MNAT1: variants seen among roughly 807,000 people sequenced by gnomAD.
MNAT1 encodes CDK-activating kinase assembly factor MAT1.
Under a neutral mutation model 42.0 loss-of-function variants are expected in MNAT1, and 43 were observed. That is an observed-to-expected ratio of 1.02 (90% confidence interval 0.80 to 1.32). MNAT1 has a LOEUF of 1.32. Among genes scored for constraint, MNAT1 ranks in the 40% most tolerant of loss-of-function variants. The pLI, the probability that MNAT1 is intolerant of heterozygous loss-of-function variation, is 0.00. For synonymous variants in MNAT1, 118 were observed against 120.0 expected (o/e 0.98, Z 0.11); for missense variants, 306 against 350.4 (o/e 0.87, Z 1.01).
intron 6 of MNAT1, among the ~76,000 whole-genome samples, chr14:60,822,192 C>T (rs1427799276): frequency 6.6e-6 from 1 of 152,050 alleles, no homozygotes; most frequent in Non-Finnish European, 1.5e-5. Flanking sequence ...CTTTTTTCAC[C>T]TAGACAGAAT....
intron 7 of MNAT1, among the ~76,000 whole-genome samples, chr14:60,915,789 T>G (rs1408873480): frequency 6.6e-5 from 10 of 152,254 alleles, no homozygotes; most frequent in Admixed American, 2.0e-4. Flanking sequence ...AATGGTTAGC[T>G]GTCTTTAGAT....
intron 6 of MNAT1, among the ~76,000 whole-genome samples, chr14:60,832,914 T>C (rs770582458): frequency 2.0e-5 from 3 of 152,188 alleles, no homozygotes; most frequent in African/African-American, 4.8e-5. Flanking sequence ...GTTATATTCC[T>C]AGGTATTTTA....
chr14:60,804,241 A>C (rs1273218022), intron 3 of MNAT1, among the ~76,000 whole-genome samples: 2 of 152,222 alleles, frequency 1.3e-5, no homozygotes, highest in African/African-American at 4.8e-5. Context: ...AAACAGATAA[A>C]GGGTCAAATG....
chr14:60,737,034 CTG>C (rs758676648), intron 1 of MNAT1, among the ~76,000 whole-genome samples: 6 of 152,066 alleles, frequency 3.9e-5, no homozygotes, highest in Admixed American at 1.3e-4. Context: ...TATAAGGACT[CTG>C]TTGTAATTTT....
intron 1 of MNAT1, among the ~76,000 whole-genome samples, chr14:60,785,061 C>T (rs1409815946): frequency 6.6e-6 from 1 of 151,944 alleles, no homozygotes; most frequent in Admixed American, 6.5e-5. Flanking sequence ...CTATGTTGGA[C>T]AGGCTGGTCT....
chr14:60,766,749 G>C (rs893720410), intron 1 of MNAT1, among the ~76,000 whole-genome samples: 1 of 152,082 alleles, frequency 6.6e-6, no homozygotes, highest in Non-Finnish European at 1.5e-5. Flanking sequence ...TTAGATATGG[G>C]ACAATTAATG....
intron 6 of MNAT1, among the ~76,000 whole-genome samples, chr14:60,864,926 A>T (rs923030271): frequency 6.6e-6 from 1 of 152,074 alleles, no homozygotes; most frequent in Non-Finnish European, 1.5e-5. Flanking sequence ...CTTATTTTCT[A>T]CAATGGGAAT....
chr14:60,787,168 GACC>G (rs2031677532), intron 1 of MNAT1, among the ~76,000 whole-genome samples: 1 of 152,046 alleles, frequency 6.6e-6, no homozygotes, highest in East Asian at 1.9e-4. Context: ...TTTGGTTTCT[GACC>G]ACCACAGTAA....
rs370014148 is a variant in MNAT1, at chr14:60,968,325, T to G, written c.906T>G (p.Ser302Arg). 6.8e-5 allele frequency: 109 copies of G among 1,612,378 alleles called. No homozygotes were observed. Among genetic ancestry groups the G allele is most frequent in the Non-Finnish European group, 9.0e-5 (106 of 1,179,616 alleles). ...ACHRALQDAF[S>R]GLFWQPS ...ACAGAGCACTACAGGATGCATTCAG[T>G]GGGCTTTTCTGGCAGCCCAGTTAAC... is the stretch of plus-strand genomic sequence containing the variant. The change falls in exon 8 of 8, where the codon AGT becomes AGG. Residue 302 changes from serine (S) to arginine (R), a missense_variant. Physicochemically the swap from Ser to Arg is moderately radical, Grantham distance 110 (BLOSUM62 -1). This residue lies in a region of MNAT1 where 116 missense variants were observed against 139.6 expected (regional missense o/e 0.83). Transcript: ENST00000261245.
chr14:60,878,197 A>T (rs934957070), intron 6 of MNAT1, among the ~76,000 whole-genome samples: 1 of 152,150 alleles, frequency 6.6e-6, no homozygotes, highest in Non-Finnish European at 1.5e-5. Context: ...TAAAAGATAA[A>T]TATAAAAAAT....
At chr14:60,768,193 G>A (rs1194395993) in intron 1 of MNAT1, among the ~76,000 whole-genome samples, 3 of 152,138 alleles carry the variant, frequency 2.0e-5, no homozygotes, top group Admixed American at 1.3e-4. Flanking sequence ...GAGCCACCGC[G>A]CCTGGCCCAG....
chr14:60,937,372 A>G (rs1041741050), intron 7 of MNAT1, among the ~76,000 whole-genome samples: 1 of 152,214 alleles, frequency 6.6e-6, no homozygotes, highest in Non-Finnish European at 1.5e-5. Flanking sequence ...CTAACATTTA[A>G]GTCTTTAATC....
intron 5 of MNAT1, among the ~76,000 whole-genome samples, chr14:60,817,833 C>T (rs1340748468): frequency 6.6e-6 from 1 of 151,638 alleles, no homozygotes; most frequent in East Asian, 1.9e-4. Context: ...TGTATTTGAC[C>T]TTCATCTCTG....
intron 1 of MNAT1, among the ~76,000 whole-genome samples, chr14:60,777,047 G>A (rs369297932): frequency 1.3e-5 from 2 of 151,876 alleles, no homozygotes; most frequent in African/African-American, 2.4e-5. Flanking sequence ...ACAAGGTTTC[G>A]CCATGTTGCC....
At chr14:60,869,038 A>ATTTTTTTT (rs1328532787) in intron 6 of MNAT1, among the ~76,000 whole-genome samples, 2 of 91,976 alleles carry the variant, frequency 2.2e-5, no homozygotes, top group Admixed American at 1.1e-4. Context: ...ATATATATAT[A>ATTTTTTTT]TATTTTTTTT....
intron 6 of MNAT1, among the ~76,000 whole-genome samples, chr14:60,853,444 G>C (rs978710745): frequency 7.9e-5 from 12 of 152,092 alleles, no homozygotes; most frequent in African/African-American, 1.4e-4. Context: ...GGAGTTTTTG[G>C]GGTGAGATGA....
chr14:60,839,571 A>G (rs2033488422), intron 6 of MNAT1, among the ~76,000 whole-genome samples: 1 of 152,190 alleles, frequency 6.6e-6, no homozygotes, highest in South Asian at 2.1e-4. Flanking sequence ...CCCCCTGCTC[A>G]CCATGTTTGG....
At chr14:60,861,278 G>A (rs937284248) in intron 6 of MNAT1, among the ~76,000 whole-genome samples, 4 of 151,930 alleles carry the variant, frequency 2.6e-5, no homozygotes, top group African/African-American at 9.7e-5. Flanking sequence ...ATGTAAAAAC[G>A]TTCAAACTCA....
intron 7 of MNAT1, among the ~76,000 whole-genome samples, chr14:60,959,557 G>T (rs899649503): frequency 2.6e-5 from 4 of 152,038 alleles, no homozygotes; most frequent in African/African-American, 9.7e-5. Context: ...CCTTTTCTAT[G>T]CTGATCAGTG....
Sources: allele counts gnomAD v4.1 joint callset (sites outside exome capture counted in the v4.1 genomes callset), GRCh38; gene constraint gnomAD v4.1.1; regional missense constraint gnomAD v4.1.1; transcripts MANE v1.5; gene names NCBI Gene and HGNC (gene_info 2026-07-23, HGNC 2026-07-21).